VPS13B: variants seen among roughly 807,000 people sequenced by gnomAD.
The protein encoded by VPS13B is vacuolar protein sorting 13 homolog B.
Under a neutral mutation model 426.4 loss-of-function variants are expected in VPS13B, and 285 were observed. The observed-to-expected ratio is 0.67, with a 90% CI of 0.61 to 0.74. The LOEUF (loss-of-function observed/expected upper bound fraction) is 0.74, where lower values mean the gene tolerates loss of function less well. Ranked by LOEUF, VPS13B falls within the 30% of genes least tolerant of loss-of-function variation. The pLI, the probability that VPS13B is intolerant of heterozygous loss-of-function variation, is 0.00. For synonymous variants in VPS13B, 1,676 were observed against 1,676.4 expected (o/e 1.00, Z 0.01); for missense variants, 4,537 against 4,782.6 (o/e 0.95, Z 1.51).
chr8:99,811,051 GT>G (rs1430314970), intron 44 of VPS13B, among the ~76,000 whole-genome samples: 6 of 152,102 alleles, frequency 3.9e-5, no homozygotes, highest in Non-Finnish European at 8.8e-5. Context: ...GTGTATACTG[GT>G]TTTCTGATTC....
intron 20 of VPS13B, chr8:99,389,733 A>T (rs1431123374): frequency 6.6e-6 from 1 of 152,192 alleles, no homozygotes; most frequent in Non-Finnish European, 1.5e-5. Context: ...AAGTGAACTT[A>T]TGTGGTTCAA....
At chr8:99,490,200 T>C (rs780575715) in intron 25 of VPS13B, among the ~76,000 whole-genome samples, 2 of 152,158 alleles carry the variant, frequency 1.3e-5, no homozygotes, top group Non-Finnish European at 2.9e-5. Context: ...TGATGGAATA[T>C]GTTTATTGAT....
At chr8:99,589,044 T>C (rs1238838097) in intron 33 of VPS13B, among the ~76,000 whole-genome samples, 1 of 151,826 alleles carries the variant, frequency 6.6e-6, no homozygotes, top group East Asian at 1.9e-4. Context: ...TTTCTGCATC[T>C]ATGGAGATAA....
intron 21 of VPS13B, among the ~76,000 whole-genome samples, chr8:99,418,116 C>T (rs2133373754): frequency 6.6e-6 from 1 of 152,192 alleles, no homozygotes; most frequent in South Asian, 2.1e-4. Context: ...TAAGCATAAG[C>T]TTCATGAGGA....
At chr8:99,133,584 A>G (rs1809916602) in intron 8 of VPS13B, among the ~76,000 whole-genome samples, 1 of 152,134 alleles carries the variant, frequency 6.6e-6, no homozygotes, top group South Asian at 2.1e-4. Flanking sequence ...AATCATTTCT[A>G]GCTTTTGATT....
intron 17 of VPS13B, among the ~76,000 whole-genome samples, chr8:99,222,827 A>T (rs1211695683): frequency 6.6e-6 from 1 of 152,128 alleles, no homozygotes; most frequent in Non-Finnish European, 1.5e-5. Flanking sequence ...CACCTTTGAT[A>T]TAGGAGATTA....
chr8:99,050,180 C>T (rs982667208), intron 3 of VPS13B, among the ~76,000 whole-genome samples: 16 of 151,840 alleles, frequency 1.1e-4, no homozygotes, highest in Non-Finnish European at 1.5e-4. Flanking sequence ...GCTATCGCTC[C>T]CCCCTCCCCC....
At chr8:99,396,715 A>G (rs566228676) in intron 21 of VPS13B, among the ~76,000 whole-genome samples, 13 of 152,266 alleles carry the variant, frequency 8.5e-5, no homozygotes, top group African/African-American at 2.9e-4. Context: ...TTACCAAGAT[A>G]GATACTACTG....
rs552690931 is a variant in VPS13B at position 99,836,981 on chromosome 8, G to T, written c.9942+1243G>T. Reference sequence around the variant, plus strand: ...TTATCCAGTTTTGCCAGACTGCAAAGCCGGTGCTCTGAGCACAATGCATGC... The same window carrying T: ...TTATCCAGTTTTGCCAGACTGCAAATCCGGTGCTCTGAGCACAATGCATGC... On this transcript the variant is annotated intron_variant, in intron 54 of 61. Transcript: ENST00000357162. Among the ~76,000 whole-genome samples, 10 of 152,326 alleles carry T rather than the reference G, an allele frequency of 6.6e-5. No individual in the cohort carries two copies. The South Asian group carries it at 2.1e-3, about 32-fold the overall frequency.
At chr8:99,439,953 G>A (rs1817600425) in intron 22 of VPS13B, among the ~76,000 whole-genome samples, 1 of 152,032 alleles carries the variant, frequency 6.6e-6, no homozygotes, top group South Asian at 2.1e-4. Flanking sequence ...ATGCATTGCA[G>A]TCATTTCATT....
At chr8:99,055,035 T>G (rs1162398641) in intron 3 of VPS13B, among the ~76,000 whole-genome samples, 1 of 75,652 alleles carries the variant, frequency 1.3e-5, no homozygotes, top group Non-Finnish European at 3.1e-5. Flanking sequence ...GTATTTCTGT[T>G]TTTTTTTTGT....
intron 56 of VPS13B, among the ~76,000 whole-genome samples, chr8:99,855,210 A>G (rs1563510902): frequency 6.6e-6 from 1 of 151,912 alleles, no homozygotes. Context: ...CCTTGTCTCT[A>G]TAAAAAATTA....
chr8:99,753,199 T>C (rs919114363), intron 39 of VPS13B, among the ~76,000 whole-genome samples: 5 of 152,226 alleles, frequency 3.3e-5, no homozygotes, highest in African/African-American at 1.2e-4. Flanking sequence ...CTTAAAAAAG[T>C]AAATCTTATG....
chr8:99,726,714 C>T (rs994403283), intron 39 of VPS13B, among the ~76,000 whole-genome samples: 2 of 152,112 alleles, frequency 1.3e-5, no homozygotes, highest in Non-Finnish European at 2.9e-5. Flanking sequence ...GTTAGCCACA[C>T]CTGGCTAATT....
chr8:99,710,714 A>G (rs912459421), intron 36 of VPS13B, among the ~76,000 whole-genome samples: 1 of 152,070 alleles, frequency 6.6e-6, no homozygotes, highest in African/African-American at 2.4e-5. Context: ...CAAGCTCTTA[A>G]TAAATACTGG....
At chr8:99,589,048 G>A (rs1826457028) in intron 33 of VPS13B, among the ~76,000 whole-genome samples, 1 of 151,702 alleles carries the variant, frequency 6.6e-6, no homozygotes. Context: ...TGCATCTATG[G>A]AGATAATCAT....
At chr8:99,403,070 T>C (rs997233408) in intron 21 of VPS13B, among the ~76,000 whole-genome samples, 2 of 152,340 alleles carry the variant, frequency 1.3e-5, no homozygotes, top group Non-Finnish European at 1.5e-5. Flanking sequence ...TTGAATCCCA[T>C]AACCAAAACG....
chr8:99,188,165 T>C (rs1483680532), intron 16 of VPS13B, among the ~76,000 whole-genome samples: 1 of 149,074 alleles, frequency 6.7e-6, no homozygotes. Context: ...AGCTAAAATT[T>C]ACAACATAAA....
intron 23 of VPS13B, among the ~76,000 whole-genome samples, chr8:99,451,998 G>A (rs1818218532): frequency 6.6e-6 from 1 of 152,100 alleles, no homozygotes; most frequent in Non-Finnish European, 1.5e-5. Context: ...GAGTAATTTA[G>A]TTATTTTTGC....
Sources: allele counts gnomAD v4.1 joint callset (sites outside exome capture counted in the v4.1 genomes callset), GRCh38; gene constraint gnomAD v4.1.1; transcripts MANE v1.5; gene names NCBI Gene and HGNC (gene_info 2026-07-23, HGNC 2026-07-21).